FOXL2: variants seen among roughly 807,000 people sequenced by gnomAD.
FOXL2 encodes forkhead box L2, also known as forkhead box protein L2.
A neutral mutation model predicts 2.5 loss-of-function variants in FOXL2; 3 were observed. The ratio of observed to expected loss-of-function variants is 1.20; its 90% confidence interval spans 0.55 to 3.11. FOXL2 has a LOEUF of 3.11. Among genes scored for constraint, FOXL2 ranks in the 30% most tolerant of loss-of-function variants. FOXL2 has a pLI of 0.03. For synonymous variants in FOXL2, 315 were observed against 269.4 expected, an observed-to-expected ratio of 1.17 and a Z score of -1.66; for missense variants, 512 against 570.0, an observed-to-expected ratio of 0.90 and a Z score of 1.04.
At position 138,946,251 on chromosome 3, in the gene FOXL2, C is replaced by A. The variant is rs1399118148; in HGVS notation, c.472G>T (p.Ala158Ser). Residue 158 changes from alanine to serine, a missense_variant, in exon 1 of 1, where the codon GCG (alanine) becomes TCG (serine). This residue lies in a region of FOXL2 where 287 missense variants were observed against 277.4 expected (regional missense o/e 1.03). Transcript: ENST00000648323. Reference sequence around the variant, plus strand: ...AGCCCCTTGCCGGGCTGGAAGTGCGCGGGCGGCGGCCGGAAGGGCCTCTTC... The same window carrying A: ...AGCCCCTTGCCGGGCTGGAAGTGCGAGGGCGGCGGCCGGAAGGGCCTCTTC... ...RMKRPFRPPPAHFQPGKGLFG... is the reference protein window; with the variant it reads ...RMKRPFRPPPSHFQPGKGLFG... The A allele has an allele frequency of 6.3e-7, 1 of 1,584,096 alleles. No homozygotes were observed. The highest frequency in any genetic ancestry group is 8.6e-7 in the Non-Finnish European group (1 of 1,166,670).
rs745676338 is a variant in FOXL2, at chr3:138,946,747, G to T, written c.-25C>A. 58 of 1,552,086 alleles carry T rather than the reference G, an allele frequency of 3.7e-5. No homozygotes were observed. Among genetic ancestry groups the T allele is most frequent in the Non-Finnish European group, 4.7e-5 (54 of 1,148,738 alleles). ...TGACAAAGCCGGCGCGCCGCGGCCG[G>T]GCCGCCTCTGCTCTCCGCTCCAGGC... On this transcript the variant is annotated 5_prime_UTR_variant, in exon 1 of 1. Transcript: ENST00000648323.
Position 138,945,385 on chromosome 3 carries a change from C to T in FOXL2, c.*207G>A. On this transcript the variant is annotated 3_prime_UTR_variant, in exon 1 of 1. Transcript: ENST00000648323. ...AGGTCACAGAGGTCAGGGAGGTGAG[C>T]ACAGGAGGACATAAACTGAGGGGAC... 1.3e-6 allele frequency: 1 copy of T among 797,580 alleles called. No individual in the cohort carries two copies. 49.4% of individuals were successfully genotyped at this position (797,580 alleles called of 1,614,324 possible). A position where few individuals can be genotyped will look rare whatever the true frequency, so the allele number is the denominator to read the frequency against.
chr3:138,945,904 C>G lies in FOXL2; in HGVS notation c.819G>C (p.Ser273=), dbSNP rs886038680. 4 of 1,319,250 alleles carry G rather than the reference C, an allele frequency of 3.0e-6. No homozygotes were observed. Among genetic ancestry groups the G allele is most frequent in the Admixed American group, 3.4e-5 (1 of 29,252 alleles). The allele number at this position is 1,319,250 out of a possible 1,614,324, so 81.7% of individuals were successfully genotyped here. A position where few individuals can be genotyped will look rare whatever the true frequency, so the allele number is the denominator to read the frequency against. The change falls in exon 1 of 1, where the codon TCG becomes TCC. Residue 273 remains serine, a synonymous_variant. Transcript: ENST00000648323. ...SMALPPGVVN[S]YNGLGGPPAA... Reference sequence around the variant, plus strand: ...CCGGCGGGCCTCCCAGGCCATTGTACGAGTTCACTACGCCGGGGGGCAGCG... The same window carrying G: ...CCGGCGGGCCTCCCAGGCCATTGTAGGAGTTCACTACGCCGGGGGGCAGCG...
chr3:138,945,863 G>C lies in FOXL2; in HGVS notation c.860C>G (p.Pro287Arg), dbSNP rs1280299018. The C allele has an allele frequency of 3.2e-6, 4 of 1,241,566 alleles. No individual in the cohort carries two copies. Among genetic ancestry groups the C allele is most frequent in the African/African-American group, 1.6e-5 (1 of 63,932 alleles). The allele number at this position is 1,241,566 out of a possible 1,614,324, so 76.9% of individuals were successfully genotyped here. The change falls in exon 1 of 1, where the codon CCG becomes CGG. Residue 287 changes from proline to arginine, a missense_variant. This residue lies in a region of FOXL2 where 287 missense variants were observed against 277.4 expected (regional missense o/e 1.03). Coordinates refer to ENST00000648323, the MANE Select transcript of FOXL2 (RefSeq NM_023067.4). ...LGGPPAAPPP[P>R]PHPHPHPHAH... ...GTGCGGATGCGGGTGGGGGTGCGGC[G>C]GAGGCGGGGGTGCGGCCGGCGGGCC... is the stretch of plus-strand genomic sequence containing the variant.
At position 138,946,449 on chromosome 3, in the gene FOXL2, C is replaced by G. The variant is rs2107744789; in HGVS notation, c.274G>C (p.Glu92Gln). Residue 92 changes from glutamate (E) to glutamine (Q), a missense_variant, in exon 1 of 1, where the codon GAG becomes CAG. Physicochemically the swap from Glu to Gln is conservative, Grantham distance 29 (BLOSUM62 2). Transcript: ENST00000648323. ...TTTTGCCAGCCCTTCTTATTCTTCT[C>G]GTAGAACGGGAACTTCGCGATGATG... ...QYIIAKFPFY[E>Q]KNKKGWQNSI... 1 of 1,614,166 alleles carries G rather than the reference C, an allele frequency of 6.2e-7. No homozygotes were observed. Among genetic ancestry groups the G allele is most frequent in the African/African-American group, 1.3e-5 (1 of 75,074 alleles).
At position 138,945,418 on chromosome 3, in the gene FOXL2, A is replaced by G; in HGVS notation, c.*174T>C. On this transcript the variant is annotated 3_prime_UTR_variant, in exon 1 of 1. Coordinates refer to ENST00000648323, the MANE Select transcript of FOXL2 (RefSeq NM_023067.4). ...GACATAAACTGAGGGGACAAAGAGG[A>G]GCGACAGGAGCTTAGGAAAGCGAAA... The G allele has an allele frequency of 8.8e-7, 1 of 1,132,634 alleles. No homozygotes were observed. The highest frequency in any genetic ancestry group is 1.2e-6 in the Non-Finnish European group (1 of 821,940). The allele number at this position is 1,132,634 out of a possible 1,614,324, so 70.2% of individuals were successfully genotyped here. A position where few individuals can be genotyped will look rare whatever the true frequency, so the allele number is the denominator to read the frequency against.
Position 138,946,375 on chromosome 3 carries a change from C to G in FOXL2, c.348G>C (p.Pro116=). Residue 116 remains proline (P), a synonymous_variant, in exon 1 of 1, where the codon CCG becomes CCC. Coordinates refer to ENST00000648323, the MANE Select transcript of FOXL2 (RefSeq NM_023067.4). ...CCTTGCGCTCGCCGCCGCCCTCGCG[C>G]GGCACCTTGATGAAGCACTCGTTGA... ...LSLNECFIKV[P]REGGGERKGN... 8 of 1,614,084 alleles carry G rather than the reference C, an allele frequency of 5.0e-6. No individual in the cohort carries two copies. The highest frequency in any genetic ancestry group is 5.9e-6 in the Non-Finnish European group (7 of 1,179,980).
rs1935956037 is a variant in FOXL2 at position 138,945,994 on chromosome 3, A to G, written c.729T>C (p.Ala243=). Residue 243 remains alanine, a synonymous_variant, in exon 1 of 1, where the codon GCT becomes GCC. Coordinates refer to ENST00000648323, the MANE Select transcript of FOXL2 (RefSeq NM_023067.4). ...AAGPGSPGAA[A]VVKGLAGPAA... ...CCGGGCCCGCCAGCCCCTTGACCAC[A>G]GCGGCCGCGCCAGGGCTACCGGGGC... The G allele has an allele frequency of 2.9e-6, 4 of 1,402,598 alleles. No individual in the cohort carries two copies. The highest frequency in any genetic ancestry group is 3.5e-5 in the Admixed American group (1 of 28,688). The allele number at this position is 1,402,598 out of a possible 1,614,324, so 86.9% of individuals were successfully genotyped here.
rs1186771686 is a variant in FOXL2 at position 138,945,721 on chromosome 3, C to T, written c.1002G>A (p.Ala334=). The T allele has an allele frequency of 1.4e-6, 2 of 1,455,452 alleles. No individual in the cohort carries two copies. The highest frequency in any genetic ancestry group is 1.8e-6 in the Non-Finnish European group (2 of 1,086,350). The allele number at this position is 1,455,452 out of a possible 1,614,324, so 90.2% of individuals were successfully genotyped here. A position where few individuals can be genotyped will look rare whatever the true frequency, so the allele number is the denominator to read the frequency against. The part of the protein sequence containing the change: ...PASPATAAPP[A]PAPTSAPGLQ... ...GGCCCGGCGCACTGGTGGGCGCGGG[C>T]GCCGGGGGCGCGGCGGTGGCTGGGC... Residue 334 remains alanine (A), a synonymous_variant, in exon 1 of 1, where the codon GCG becomes GCA. Transcript: ENST00000648323.
In FOXL2 at chr3:138,945,847, CGGGTGG is replaced by C; in HGVS notation, c.870_875del (p.Pro294_His295del). 1 of 1,226,108 alleles carries C rather than the reference CGGGTGG, an allele frequency of 8.2e-7. No homozygotes were observed. 76.0% of individuals were successfully genotyped at this position (1,226,108 alleles called of 1,614,324 possible). ...CGTGCAGATGGTGTGCGTGCGGATGCGGGTGGGGGTGCGGCGGAGGCGGGGGTGCGG... is the reference window on the plus strand; with the variant it reads ...CGTGCAGATGGTGTGCGTGCGGATGCGGGTGCGGCGGAGGCGGGGGTGCGG... On this transcript the variant is annotated inframe_deletion, in exon 1 of 1. Transcript: ENST00000648323.
chr3:138,945,530 C>A lies in FOXL2; in HGVS notation c.*62G>T, dbSNP rs999102294. 1.9e-6 allele frequency: 3 copies of A among 1,565,836 alleles called. No homozygotes were observed. Among genetic ancestry groups the A allele is most frequent in the South Asian group, 2.2e-5 (2 of 89,710 alleles). ...TGGCGGCGGCGTCGTCGGCTGCGAC[C>A]GGGGCCGGCGTCGCGCGTCCCTGCA... On this transcript the variant is annotated 3_prime_UTR_variant, in exon 1 of 1. Transcript: ENST00000648323.
At position 138,945,248 on chromosome 3, in the gene FOXL2, TCCGCCC is replaced by T; in HGVS notation, c.*338_*343del. The stretch of plus-strand genomic sequence containing the variant: ...TGCGCTGCCGACGCCCGGTCGCACC[TCCGCCC>T]CGGGCCCTTTCCGCGGTGAATTTGG... On this transcript the variant is annotated 3_prime_UTR_variant, in exon 1 of 1. Coordinates refer to ENST00000648323, the MANE Select transcript of FOXL2 (RefSeq NM_023067.4). 37 of 251,124 alleles carry T rather than the reference TCCGCCC, an allele frequency of 1.5e-4. No homozygotes were observed. The highest frequency in any genetic ancestry group is 1.2e-3 in the South Asian group (8 of 6,684). The allele number at this position is 251,124 out of a possible 1,614,324, so 15.6% of individuals were successfully genotyped here. A position where few individuals can be genotyped will look rare whatever the true frequency, so the allele number is the denominator to read the frequency against.
Position 138,946,771 on chromosome 3 carries a change from G to C in FOXL2, c.-49C>G. On this transcript the variant is annotated 5_prime_UTR_variant, in exon 1 of 1. Coordinates refer to ENST00000648323, the MANE Select transcript of FOXL2 (RefSeq NM_023067.4). ...GGGCCGCCTCTGCTCTCCGCTCCAG[G>C]CGCTGGCGCGGCAAAGAGTTGGGGC... 6.5e-7 allele frequency: 1 copy of C among 1,542,528 alleles called. No individual in the cohort carries two copies. Among genetic ancestry groups the C allele is most frequent in the Non-Finnish European group, 8.7e-7 (1 of 1,144,652 alleles).
Position 138,946,905 on chromosome 3 carries a change from T to C in FOXL2, c.-183A>G. ...CTCTCCCCTCTCCTTCCCCTTCCCC[T>C]AGGGAGCGGCCGGCGGGAGTGGAGC... On this transcript the variant is annotated 5_prime_UTR_variant, in exon 1 of 1. Coordinates refer to ENST00000648323, the MANE Select transcript of FOXL2 (RefSeq NM_023067.4). 1.1e-6 allele frequency: 1 copy of C among 896,172 alleles called. No individual in the cohort carries two copies. The highest frequency in any genetic ancestry group is 1.7e-6 in the Non-Finnish European group (1 of 601,694). 55.5% of individuals were successfully genotyped at this position (896,172 alleles called of 1,614,324 possible).
Position 138,946,750 on chromosome 3 carries a change from C to T in FOXL2, c.-28G>A, listed in dbSNP as rs771930968. ...CAAAGCCGGCGCGCCGCGGCCGGGCCGCCTCTGCTCTCCGCTCCAGGCGCT... is the reference window on the plus strand; with the variant it reads ...CAAAGCCGGCGCGCCGCGGCCGGGCTGCCTCTGCTCTCCGCTCCAGGCGCT... On this transcript the variant is annotated 5_prime_UTR_variant, in exon 1 of 1. Transcript: ENST00000648323. 5 of 1,551,076 alleles carry T rather than the reference C, an allele frequency of 3.2e-6. No homozygotes were observed. Among genetic ancestry groups the T allele is most frequent in the African/African-American group, 2.7e-5 (2 of 73,018 alleles).
At position 138,945,863 on chromosome 3, in the gene FOXL2, G is replaced by GGAGGCGGGGGTGCGGCC. The variant is rs672601359; in HGVS notation, c.843_859dup (p.Pro287ArgfsTer75). On this transcript the variant is annotated frameshift_variant, in exon 1 of 1. Transcript: ENST00000648323. LOFTEE classifies it low-confidence loss of function (END_TRUNC). ...GTGCGGATGCGGGTGGGGGTGCGGC[G>GGAGGCGGGGGTGCGGCC]GAGGCGGGGGTGCGGCCGGCGGGCC... The GGAGGCGGGGGTGCGGCC allele has an allele frequency of 3.2e-6, 4 of 1,241,672 alleles. No homozygotes were observed. The highest frequency in any genetic ancestry group is 4.0e-6 in the Non-Finnish European group (4 of 995,768). The allele number at this position is 1,241,672 out of a possible 1,614,324, so 76.9% of individuals were successfully genotyped here.
chr3:138,946,003 G>T lies in FOXL2; in HGVS notation c.720C>A (p.Gly240=), dbSNP rs759132275. ...CCAGCCCCTTGACCACAGCGGCCGC[G>T]CCAGGGCTACCGGGGCCCGCGGCTG... ...AAAAAGPGSP[G]AAAVVKGLAG... The change falls in exon 1 of 1, where the codon GGC becomes GGA. Residue 240 remains glycine, a synonymous_variant. Coordinates refer to ENST00000648323, the MANE Select transcript of FOXL2 (RefSeq NM_023067.4). 2.1e-5 allele frequency: 29 copies of T among 1,396,508 alleles called. No homozygotes were observed. In the East Asian group the frequency reaches 8.0e-4, roughly 39 times the overall value. The allele number at this position is 1,396,508 out of a possible 1,614,324, so 86.5% of individuals were successfully genotyped here. A position where few individuals can be genotyped will look rare whatever the true frequency, so the allele number is the denominator to read the frequency against.
chr3:138,946,868 G>A lies in FOXL2; in HGVS notation c.-146C>T, dbSNP rs576439625. 2.7e-4 allele frequency: 326 copies of A among 1,228,650 alleles called. 1 individual carries two copies. The African/African-American group carries it at 4.3e-3, about 16-fold the overall frequency. 76.1% of individuals were successfully genotyped at this position (1,228,650 alleles called of 1,614,324 possible). ...ATGCCGCCCGCGCTTGCTTGCTGGAGGCCTGTCGCTGCTCTCCCCTCTCCT... is the reference window on the plus strand; with the variant it reads ...ATGCCGCCCGCGCTTGCTTGCTGGAAGCCTGTCGCTGCTCTCCCCTCTCCT... On this transcript the variant is annotated 5_prime_UTR_variant, in exon 1 of 1. Coordinates refer to ENST00000648323, the MANE Select transcript of FOXL2 (RefSeq NM_023067.4).
In FOXL2 at chr3:138,945,583, G is replaced by T; in HGVS notation, c.*9C>A. 1.9e-6 allele frequency: 3 copies of T among 1,607,722 alleles called. No homozygotes were observed. The highest frequency in any genetic ancestry group is 1.1e-5 in the South Asian group (1 of 90,962). On this transcript the variant is annotated 3_prime_UTR_variant, in exon 1 of 1. Transcript: ENST00000648323. ...CTCGCATCCGTCTGCACCGGCATGC[G>T]GTGGGCTCTCAGAGATCGAGGCGCG...
Sources: allele counts gnomAD v4.1 joint callset, GRCh38; gene constraint gnomAD v4.1.1; regional missense constraint gnomAD v4.1.1; transcripts MANE v1.5; gene names NCBI Gene and HGNC (gene_info 2026-07-23, HGNC 2026-07-21).